LAMC2: variants seen among roughly 807,000 people sequenced by gnomAD.
LAMC2 encodes laminin subunit gamma 2.
A neutral mutation model predicts 140.2 loss-of-function variants in LAMC2; 97 were observed. The ratio of observed to expected loss-of-function variants is 0.69; its 90% CI spans 0.59 to 0.82. The LOEUF (loss-of-function observed/expected upper bound fraction) is 0.82. LAMC2 is among the 40% of genes least tolerant of loss of function. LAMC2 has a pLI of 0.00. For missense variants in LAMC2, 1,402 were observed against 1,476.1 expected, an observed-to-expected ratio of 0.95 and a Z score of 0.82; for synonymous variants, 513 against 540.2, an observed-to-expected ratio of 0.95 and a Z score of 0.70.
At chr1:183,252,465 T>C in the LAMC2 span, 1 of 498,520 alleles carries the variant, frequency 2.0e-6, no homozygotes, top group African/African-American at 2.0e-5. Context: ...TGTCCAAAGA[T>C]GACTGTGGAA....
At chr1:183,225,472 G>C (rs1659596950) in intron 7 of LAMC2, 136 bp from the exon 8 acceptor site, 3 of 700,636 alleles carry the variant, frequency 4.3e-6, no homozygotes, top group Non-Finnish European at 5.2e-6. Flanking sequence ...TGAAAAGGTG[G>C]CTCTCAGTCC....
At chr1:183,252,390 T>C in the LAMC2 span, 1 of 515,702 alleles carries the variant, frequency 1.9e-6, no homozygotes, top group Non-Finnish European at 3.5e-6. Flanking sequence ...CTCCAAGGAC[T>C]GCACTTCCCC....
Position 183,228,415 on chromosome 1 carries a change from C to A in LAMC2, c.1510C>A (p.Pro504Thr). ...ELCADGYFGDPFGEHGPVRPC... is the reference protein window; with the variant it reads ...ELCADGYFGDTFGEHGPVRPC... ...CTGTGCTGATGGCTACTTTGGGGACCCCTTTGGTGAACATGGCCCAGTGAG... is the reference window on the plus strand; with the variant it reads ...CTGTGCTGATGGCTACTTTGGGGACACCTTTGGTGAACATGGCCCAGTGAG... The change falls in exon 11 of 23, where the codon CCC (proline) becomes ACC (threonine). Residue 504 changes from proline (P) to threonine (T), a missense_variant. Pro to Thr is a conservative substitution (Grantham distance 38). Around this residue, in one of 3 missense-constraint regions of LAMC2, gnomAD observed 723 missense variants for 783.3 expected, o/e 0.92. Coordinates refer to ENST00000264144, the MANE Select transcript of LAMC2 (RefSeq NM_005562.3). This position sits in a 1 kb window ranked among gnomAD's most constrained non-coding sequence, Gnocchi z 4.3. 1 of 1,613,996 alleles carries A rather than the reference C, an allele frequency of 6.2e-7. No individual in the cohort carries two copies.
intron 7 of LAMC2, among the ~76,000 whole-genome samples, 178 bp from the exon 8 acceptor site, chr1:183,225,430 C>A (rs975251189): frequency 6.6e-6 from 1 of 152,140 alleles, no homozygotes. Context: ...TTGTCCTCCC[C>A]ATGGAGTGAG....
In LAMC2 at chr1:183,207,983, A is replaced by G. The variant is rs1472641693; in HGVS notation, c.182A>G (p.Asp61Gly). ...TGCCTCAACTGCAATGACAACACTG[A>G]TGGCATTCACTGCGAGAAGTGCAAG... is the stretch of plus-strand genomic sequence containing the variant. ...FRCLNCNDNTDGIHCEKCKNG... is the reference protein window; with the variant it reads ...FRCLNCNDNTGGIHCEKCKNG... Residue 61 changes from aspartate (D) to glycine (G), a missense_variant, in exon 2 of 23, where the codon GAT becomes GGT. Transcript: ENST00000264144. 6 of 1,613,916 alleles carry G rather than the reference A, an allele frequency of 3.7e-6. No individual in the cohort carries two copies. The East Asian group carries it at 1.3e-4, about 36-fold the overall frequency.
chr1:183,250,250 T>A, the LAMC2 span: 9 of 152,256 alleles, frequency 5.9e-5, no homozygotes, highest in African/African-American at 1.9e-4. Context: ...TCCTGAGCAC[T>A]CTGTGGGTCT....
rs1659827622 is a variant in LAMC2, at chr1:183,232,406, G to A, written c.2014+63G>A. ...TCATAGTCCTAGAAGGAATGGCTAC[G>A]TTAGGTCATAGAATCTTCTATGGAT... On this transcript the variant is annotated intron_variant, in intron 13 of 22. Coordinates refer to ENST00000264144, the MANE Select transcript of LAMC2 (RefSeq NM_005562.3). 14 of 1,569,872 alleles carry A rather than the reference G, an allele frequency of 8.9e-6. 1 individual carries two copies. Among genetic ancestry groups the A allele is most frequent in the Admixed American group, 1.7e-5 (1 of 58,532 alleles).
At chr1:183,213,030 T>C (rs1217110291) in intron 2 of LAMC2, among the ~76,000 whole-genome samples, 1 of 152,250 alleles carries the variant, frequency 6.6e-6, no homozygotes, top group African/African-American at 2.4e-5. Flanking sequence ...TCTTGCCTTC[T>C]CCAAGCCATC....
intron 1 of LAMC2, among the ~76,000 whole-genome samples, chr1:183,193,404 G>A (rs672059): frequency 0.57 from 86,818 of 151,970 alleles, 25,551 homozygotes; most frequent in East Asian, 0.73. Context: ...ACGTAATCAC[G>A]TCCAGAGATT....
Position 183,232,681 on chromosome 1 carries a change from G to A in LAMC2, c.2044G>A (p.Ala682Thr), listed in dbSNP as rs1422674658. ...GASRSLGLQL[A>T]KVRSQENSYQ... ...TAGCAGATCCCTTGGTCTCCAGTTG[G>A]CCAAGGTGAGGAGCCAAGAGAACAG... The change falls in exon 14 of 23, where the codon GCC (alanine) becomes ACC (threonine). Residue 682 changes from alanine (A) to threonine (T), a missense_variant. Transcript: ENST00000264144. 2 of 1,613,292 alleles carry A rather than the reference G, an allele frequency of 1.2e-6. No homozygotes were observed. Among genetic ancestry groups the A allele is most frequent in the South Asian group, 1.1e-5 (1 of 91,034 alleles).
rs1458701504 is a variant in LAMC2 at position 183,215,591 on chromosome 1, G to T, written c.404+3G>T. The T allele has an allele frequency of 2.5e-6, 4 of 1,614,122 alleles. No homozygotes were observed. The South Asian group carries it at 4.4e-5, about 18-fold the overall frequency. ...TGCACCCAAGACCAGAGACTGCTGTGAGTATTTGCATCCCACCATGGCTGT... is the reference window on the plus strand; with the variant it reads ...TGCACCCAAGACCAGAGACTGCTGTTAGTATTTGCATCCCACCATGGCTGT... On this transcript the variant is annotated splice_donor_region_variant and intron_variant, in intron 3 of 22. Coordinates refer to ENST00000264144, the MANE Select transcript of LAMC2 (RefSeq NM_005562.3).
At position 183,218,320 on chromosome 1, in the gene LAMC2, T is replaced by C. The variant is rs189929916; in HGVS notation, c.405-70T>C. ...CTTCGTGATGTTTGCTCATGAGCAG[T>C]TGATTTTTATGTGCATAGTTGTGAA... On this transcript the variant is annotated intron_variant, in intron 3 of 22. Transcript: ENST00000264144. The C allele has an allele frequency of 3.4e-5, 42 of 1,237,812 alleles. No individual in the cohort carries two copies. In the African/African-American group the frequency reaches 4.7e-4, roughly 14 times the overall value. 76.7% of individuals were successfully genotyped at this position (1,237,812 alleles called of 1,614,324 possible).
rs770695328 is a variant in LAMC2, at chr1:183,239,556, T to C, written c.3062T>C (p.Ile1021Thr). ...AGEALEISSE[I>T]EQEIGSLNLE... ...GAGGCCCTGGAAATCTCCAGTGAGATTGAACAGGTAAAGAGAAATCGACAT... is the reference window on the plus strand; with the variant it reads ...GAGGCCCTGGAAATCTCCAGTGAGACTGAACAGGTAAAGAGAAATCGACAT... Residue 1021 changes from isoleucine (I) to threonine (T), a missense_variant, in exon 20 of 23, where the codon ATT (isoleucine) becomes ACT (threonine). Physicochemically the swap from Ile to Thr is moderately conservative, Grantham distance 89. Around this residue, in one of 3 missense-constraint regions of LAMC2, gnomAD observed 670 missense variants for 667.2 expected, o/e 1.00. Coordinates refer to ENST00000264144, the MANE Select transcript of LAMC2 (RefSeq NM_005562.3). 4 of 1,613,358 alleles carry C rather than the reference T, an allele frequency of 2.5e-6. No homozygotes were observed. In the South Asian group the frequency reaches 3.3e-5, roughly 13 times the overall value.
At chr1:183,186,529 CT>C in intron 1 of LAMC2, 98 bp downstream of exon 1, 1 of 1,381,824 alleles carries the variant, frequency 7.2e-7, no homozygotes, top group Non-Finnish European at 1.0e-6. Context: ...AGGATTCCCA[CT>C]TTGTCCAGAA....
chr1:183,251,207 C>G, the LAMC2 span: 4 of 152,222 alleles, frequency 2.6e-5, no homozygotes, highest in Middle Eastern at 3.2e-3. Flanking sequence ...ACCCACTCCC[C>G]TATTAGGGAG....
rs1395090381 is a variant in LAMC2, at chr1:183,243,667, G to A, written c.*267G>A. On this transcript the variant is annotated 3_prime_UTR_variant, in exon 23 of 23. Coordinates refer to ENST00000264144, the MANE Select transcript of LAMC2 (RefSeq NM_005562.3). The stretch of plus-strand genomic sequence containing the variant: ...CTGGACCCCAAAGAATAGACTGGAT[G>A]GAAAGACAAACTGCACAGGCAGATG... The A allele has an allele frequency of 5.8e-6, 3 of 517,014 alleles. No individual in the cohort carries two copies. Among genetic ancestry groups the A allele is most frequent in the African/African-American group, 3.8e-5 (2 of 52,232 alleles). The allele number at this position is 517,014 out of a possible 1,614,324, so 32.0% of individuals were successfully genotyped here. A position where few individuals can be genotyped will look rare whatever the true frequency, so the allele number is the denominator to read the frequency against.
intron 3 of LAMC2, 100 bp from the exon 4 acceptor site, chr1:183,218,290 C>T: frequency 1.0e-6 from 1 of 960,188 alleles, no homozygotes; most frequent in Non-Finnish European, 1.7e-6. Flanking sequence ...AGAAGGACTG[C>T]CCAGCTTCGT....
rs1236018596 is a variant in LAMC2 at position 183,243,160 on chromosome 1, T to C, written c.3342T>C (p.Ser1114=). ...GLLHLMDQPL[S]VDEEGLVLLE... is the part of the protein sequence containing the mutation. ...TCCTTGAAATAGACCAGCCTCTCAGTGTAGATGAAGAGGGGCTGGTCTTAC... is the reference window on the plus strand; with the variant it reads ...TCCTTGAAATAGACCAGCCTCTCAGCGTAGATGAAGAGGGGCTGGTCTTAC... Residue 1114 remains serine (S), a synonymous_variant, in exon 23 of 23, where the codon AGT becomes AGC. Coordinates refer to ENST00000264144, the MANE Select transcript of LAMC2 (RefSeq NM_005562.3). 1.2e-6 allele frequency: 2 copies of C among 1,613,672 alleles called. No homozygotes were observed. The highest frequency in any genetic ancestry group is 1.7e-6 in the Non-Finnish European group (2 of 1,179,882).
At chr1:183,222,309 T>C in intron 6 of LAMC2, 98 bp downstream of exon 6, 2 of 1,382,634 alleles carry the variant, frequency 1.4e-6, no homozygotes, top group South Asian at 1.2e-5. Flanking sequence ...CATATAACTT[T>C]GGGTTCAGGG....
Sources: allele counts gnomAD v4.1 joint callset (sites outside exome capture counted in the v4.1 genomes callset), GRCh38; gene constraint gnomAD v4.1.1; regional missense constraint gnomAD v4.1.1; non-coding constraint Gnocchi (gnomAD v3.1); transcripts MANE v1.5; gene names NCBI Gene and HGNC (gene_info 2026-07-23, HGNC 2026-07-21).